Variants in CASTOR2 observed in about 807,000 individuals in gnomAD.
CASTOR2 encodes GATS protein like 2.
A neutral mutation model predicts 31.2 loss-of-function variants in CASTOR2; 8 were observed. The observed-to-expected ratio is 0.26, with a 90% CI of 0.15 to 0.46. The LOEUF (loss-of-function observed/expected upper bound fraction) is 0.46. CASTOR2 is among the 20% of genes least tolerant of loss of function. CASTOR2 has a pLI of 0.99. For synonymous variants in CASTOR2, 162 were observed against 158.7 expected (o/e 1.02, Z -0.16); for missense variants, 216 against 382.1 (o/e 0.57, Z 3.62).
Position 75,018,100 on chromosome 7 carries a change from T to C in CASTOR2, c.489T>C (p.Asn163=). 2 of 1,614,096 alleles carry C rather than the reference T, an allele frequency of 1.2e-6. No individual in the cohort carries two copies. The highest frequency in any genetic ancestry group is 1.7e-6 in the Non-Finnish European group (2 of 1,179,938). Residue 163 remains asparagine (N), a synonymous_variant, in exon 4 of 9, where the codon AAT becomes AAC. Transcript: ENST00000616305. ...CAGCCGAGAACCTCGGCATCACCAATGGCTTCGTGAAGCCCAAGCTGGGTG... is the reference window on the plus strand; with the variant it reads ...CAGCCGAGAACCTCGGCATCACCAACGGCTTCGTGAAGCCCAAGCTGGGTG... ...TVAAENLGIT[N]GFVKPKLVQR...
intron 1 of CASTOR2, among the ~76,000 whole-genome samples, chr7:75,004,074 C>T (rs1409681618): frequency 8.5e-5 from 13 of 152,146 alleles, no homozygotes; most frequent in Admixed American, 7.2e-4. Flanking sequence ...GCAAGGGCCG[C>T]GTCTGTTTGC....
intron 1 of CASTOR2, among the ~76,000 whole-genome samples, chr7:75,003,547 G>C (rs1804542800): frequency 6.6e-6 from 1 of 152,000 alleles, no homozygotes; most frequent in Non-Finnish European, 1.5e-5. Flanking sequence ...TCAGGAGATC[G>C]AGACCATCCT....
At chr7:75,024,187 G>A (rs1204116441) in intron 7 of CASTOR2, among the ~76,000 whole-genome samples, 1 of 152,190 alleles carries the variant, frequency 6.6e-6, no homozygotes, top group Non-Finnish European at 1.5e-5. Context: ...CTATTTGGGA[G>A]GCTGAGGCAC....
chr7:74,974,303 C>A (rs587752629), intron 1 of CASTOR2, among the ~76,000 whole-genome samples: 19 of 148,638 alleles, frequency 1.3e-4, no homozygotes, highest in Admixed American at 1.2e-3. Context: ...CACTGAGAAA[C>A]CCCGCAGTGT....
At chr7:74,997,026 C>T (rs1347296135) in intron 1 of CASTOR2, among the ~76,000 whole-genome samples, 78 of 151,770 alleles carry the variant, frequency 5.1e-4, no homozygotes, top group African/African-American at 1.3e-3. Context: ...TGAGCCACCG[C>T]GCCCAGCCGC....
rs1167508144 is a variant in CASTOR2, at chr7:75,026,009, T to C, written c.*1310T>C. On this transcript the variant is annotated 3_prime_UTR_variant, in exon 9 of 9. Transcript: ENST00000616305. Reference sequence around the variant, plus strand: ...AACTCCCACCAACCAGCTGTAGTTCTATCTGAGCACCGGAGGGGGTGAGGG... The same window carrying C: ...AACTCCCACCAACCAGCTGTAGTTCCATCTGAGCACCGGAGGGGGTGAGGG... Among the ~76,000 whole-genome samples, 1 of 152,096 alleles carries C rather than the reference T, an allele frequency of 6.6e-6. No individual in the cohort carries two copies. Among genetic ancestry groups the C allele is most frequent in the African/African-American group, 2.4e-5 (1 of 41,410 alleles).
intron 1 of CASTOR2, among the ~76,000 whole-genome samples, chr7:74,988,066 CCTCTGGCTTTCACTG>C (rs1384182507): frequency 6.6e-6 from 1 of 151,442 alleles, no homozygotes; most frequent in Non-Finnish European, 1.5e-5. Flanking sequence ...TCACTCTTGG[CCTCTGGCTTTCACTG>C]CTCATTGCTC....
intron 1 of CASTOR2, among the ~76,000 whole-genome samples, chr7:74,988,120 C>T (rs587621233): frequency 4.5e-4 from 68 of 151,248 alleles, no homozygotes; most frequent in Middle Eastern, 3.4e-3. Context: ...CCGATGGTCA[C>T]GGGTCACTCC....
At chr7:74,974,969 G>GC (rs1443182762) in intron 1 of CASTOR2, among the ~76,000 whole-genome samples, 1 of 148,902 alleles carries the variant, frequency 6.7e-6, no homozygotes, top group East Asian at 2.0e-4. Context: ...GTTTTGTTTT[G>GC]TTTTGCTTTT....
At position 75,024,786 on chromosome 7, in the gene CASTOR2, A is replaced by G; in HGVS notation, c.*87A>G. 6.4e-7 allele frequency: 1 copy of G among 1,550,936 alleles called. No homozygotes were observed. The highest frequency in any genetic ancestry group is 2.4e-5 in the East Asian group (1 of 40,922). On this transcript the variant is annotated 3_prime_UTR_variant, in exon 9 of 9. Transcript: ENST00000616305. ...CTTGCAGTATTTCTCTACAGACTGG[A>G]AAATCAGCCTGGGGACCCTGAGGAA... is the stretch of plus-strand genomic sequence containing the variant.
At chr7:75,019,544 C>T (rs1435337243) in intron 5 of CASTOR2, among the ~76,000 whole-genome samples, 5 of 152,180 alleles carry the variant, frequency 3.3e-5, no homozygotes, top group Non-Finnish European at 7.4e-5. Context: ...AGACATCCTA[C>T]CCTGGGAACC....
At chr7:74,996,617 T>A (rs1226482607) in intron 1 of CASTOR2, among the ~76,000 whole-genome samples, 39 of 151,076 alleles carry the variant, frequency 2.6e-4, no homozygotes, top group Admixed American at 5.3e-4. Flanking sequence ...AGCTTCTGGT[T>A]ATGTCAGGGA....
At chr7:75,000,255 C>T (rs1166430070) in intron 1 of CASTOR2, among the ~76,000 whole-genome samples, 2 of 152,120 alleles carry the variant, frequency 1.3e-5, no homozygotes. Flanking sequence ...ATGAATGCTA[C>T]TATTAGCCAC....
chr7:74,984,064 C>A (rs1388341295), intron 1 of CASTOR2, among the ~76,000 whole-genome samples: 1 of 150,680 alleles, frequency 6.6e-6, no homozygotes, highest in Admixed American at 6.7e-5. Flanking sequence ...CAGACGTGAG[C>A]CACCTCACCT....
At chr7:75,023,453 AT>A (rs1283500947) in intron 7 of CASTOR2, among the ~76,000 whole-genome samples, 48 of 139,598 alleles carry the variant, frequency 3.4e-4, no homozygotes, top group African/African-American at 7.9e-4. Context: ...GGTGGATAGC[AT>A]TTTTTTTTTC....
chr7:75,018,231 G>T, intron 4 of CASTOR2, 109 bp downstream of exon 4: 1 of 1,539,856 alleles, frequency 6.5e-7, no homozygotes, highest in South Asian at 1.2e-5. Context: ...AGCATGAATG[G>T]AGTGCCAGGC....
chr7:75,010,795 T>G (rs1554439273), intron 2 of CASTOR2, among the ~76,000 whole-genome samples: 1 of 152,050 alleles, frequency 6.6e-6, no homozygotes, highest in Non-Finnish European at 1.5e-5. Context: ...ACCAGGCTGC[T>G]TAGAAATCTA....
chr7:75,021,200 C>T (rs1337299453), intron 6 of CASTOR2, among the ~76,000 whole-genome samples: 4 of 152,058 alleles, frequency 2.6e-5, no homozygotes, highest in Non-Finnish European at 5.9e-5. Flanking sequence ...CCATGTTGGC[C>T]AGGCTGCTCG....
chr7:75,001,388 A>T (rs1383486698), intron 1 of CASTOR2, among the ~76,000 whole-genome samples: 2 of 152,160 alleles, frequency 1.3e-5, no homozygotes, highest in East Asian at 3.9e-4. Context: ...TCCCACCTGG[A>T]GTTTTTTAAC....
Sources: allele counts gnomAD v4.1 joint callset (sites outside exome capture counted in the v4.1 genomes callset), GRCh38; gene constraint gnomAD v4.1.1; transcripts MANE v1.5; gene names NCBI Gene and HGNC (gene_info 2026-07-23, HGNC 2026-07-21).